The following WWP1 variants were observed in gnomAD, a reference collection of about 807,000 sequenced individuals.
WWP1 encodes NEDD4-like E3 ubiquitin-protein ligase WWP1.
WWP1 carries 49 observed loss-of-function variants against 130.6 expected under a neutral mutation model. The observed-to-expected ratio is 0.38, with a 90% confidence interval of 0.30 to 0.48. The LOEUF (loss-of-function observed/expected upper bound fraction) is 0.48, where lower values mean the gene tolerates loss of function less well. Among genes scored for constraint, WWP1 ranks in the 20% least tolerant of loss-of-function variants. The pLI, the probability that WWP1 is intolerant of heterozygous loss-of-function variation, is 0.99. For missense variants in WWP1, 809 were observed against 1,100.6 expected, an observed-to-expected ratio of 0.74 and a Z score of 3.75; for synonymous variants, 332 against 367.8, an observed-to-expected ratio of 0.90 and a Z score of 1.11.
At chr8:86,429,158 C>A (rs1270571638) in intron 11 of WWP1, among the ~76,000 whole-genome samples, 3 of 152,138 alleles carry the variant, frequency 2.0e-5, no homozygotes, top group Non-Finnish European at 4.4e-5. Context: ...ATAGTCTAGG[C>A]AAGAAGAAAG....
chr8:86,404,970 T>C (rs548965367), intron 8 of WWP1: 2 of 152,354 alleles, frequency 1.3e-5, no homozygotes, highest in East Asian at 3.9e-4. Context: ...CCACCTCTGA[T>C]TATTGCTAGT....
intron 5 of WWP1, among the ~76,000 whole-genome samples, chr8:86,383,876 C>G (rs1360510846): frequency 6.6e-6 from 1 of 152,168 alleles, no homozygotes; most frequent in Non-Finnish European, 1.5e-5. Context: ...TAGTAGCATC[C>G]TGCACACCTA....
Position 86,467,574 on chromosome 8 carries a change from T to C in WWP1, c.*681T>C, listed in dbSNP as rs1563562608. ...TATACTAGATCCAATACTATTTAGT[T>C]TATTATCGAAATTGGAAGGATTCAT... On this transcript the variant is annotated 3_prime_UTR_variant, in exon 25 of 25. Transcript: ENST00000517970. The C allele has an allele frequency of 6.6e-6, 1 of 152,452 alleles. No individual in the cohort carries two copies. Among genetic ancestry groups the C allele is most frequent in the Non-Finnish European group, 1.5e-5 (1 of 67,996 alleles). 9.4% of individuals were successfully genotyped at this position (152,452 alleles called of 1,614,324 possible).
At chr8:86,368,375 A>T (rs537999385) in intron 1 of WWP1, among the ~76,000 whole-genome samples, 1 of 152,122 alleles carries the variant, frequency 6.6e-6, no homozygotes, top group Non-Finnish European at 1.5e-5. Context: ...CACTCAGACA[A>T]TGAAGTGGGA....
At chr8:86,435,364 T>G (rs1810234148) in intron 14 of WWP1, 88 bp from the exon 15 acceptor site, 1 of 1,369,432 alleles carries the variant, frequency 7.3e-7, no homozygotes, top group African/African-American at 1.5e-5. Context: ...GGTATTTTGT[T>G]GGACTTTAGT....
chr8:86,426,697 A>T (rs957942642), intron 10 of WWP1, among the ~76,000 whole-genome samples: 1 of 152,216 alleles, frequency 6.6e-6, no homozygotes, highest in Non-Finnish European at 1.5e-5. Flanking sequence ...GTGGAATGAC[A>T]TGGAGTCCAC....
In WWP1 at chr8:86,422,319, GTATTTATTTATTTATTTATTTATT is replaced by G. The variant is rs55854341; in HGVS notation, c.1062-2884_1062-2861del. The stretch of plus-strand genomic sequence containing the variant: ...GTCTTAAACTCAGAAGTACCAGTTT[GTATTTATTTATTTATTTATTTATT>G]TATTTATTTATTTATTTATATTTTA... On this transcript the variant is annotated intron_variant, in intron 9 of 24. Transcript: ENST00000517970. Among the ~76,000 whole-genome samples the G allele has an allele frequency of 6.8e-5, 10 of 148,022 alleles. No individual in the cohort carries two copies. The East Asian group carries it at 9.9e-4, about 15-fold the overall frequency.
intron 24 of WWP1, among the ~76,000 whole-genome samples, chr8:86,463,824 G>T (rs113237462): frequency 1.3e-5 from 2 of 151,980 alleles, no homozygotes; most frequent in Non-Finnish European, 2.9e-5. Flanking sequence ...ACTTTGGAAG[G>T]CCGAGGTGGG....
intron 24 of WWP1, among the ~76,000 whole-genome samples, chr8:86,464,606 C>G (rs1586527224): frequency 6.6e-6 from 1 of 152,216 alleles, no homozygotes; most frequent in East Asian, 1.9e-4. Context: ...GCCTCAACCT[C>G]CTGGGTTCAA....
At chr8:86,449,696 G>GTT in intron 20 of WWP1, among the ~76,000 whole-genome samples, 1 of 152,156 alleles carries the variant, frequency 6.6e-6, no homozygotes, top group Non-Finnish European at 1.5e-5. Context: ...TCCTACTGAT[G>GTT]TCTTCTATGA....
chr8:86,407,626 A>G (rs1241786010), intron 8 of WWP1, among the ~76,000 whole-genome samples: 1 of 152,228 alleles, frequency 6.6e-6, no homozygotes, highest in African/African-American at 2.4e-5. Flanking sequence ...CTCTCCAGTC[A>G]AATATTATTG....
At chr8:86,353,453 A>G (rs1227746360) in intron 1 of WWP1, among the ~76,000 whole-genome samples, 1 of 152,074 alleles carries the variant, frequency 6.6e-6, no homozygotes, top group African/African-American at 2.4e-5. Context: ...CAATTTGAGT[A>G]GAAAGGATTA....
At chr8:86,420,789 G>A (rs1291900351) in intron 9 of WWP1, among the ~76,000 whole-genome samples, 1 of 152,168 alleles carries the variant, frequency 6.6e-6, no homozygotes, top group African/African-American at 2.4e-5. Flanking sequence ...ATATAGCTAT[G>A]AAGGTATATT....
chr8:86,368,120 A>G (rs547007833), intron 1 of WWP1, among the ~76,000 whole-genome samples: 3 of 152,338 alleles, frequency 2.0e-5, no homozygotes, highest in African/African-American at 7.2e-5. Flanking sequence ...AATAAAAACA[A>G]TAAGTCATCT....
At chr8:86,355,705 T>C (rs10504823) in intron 1 of WWP1, among the ~76,000 whole-genome samples, 1 of 152,046 alleles carries the variant, frequency 6.6e-6, no homozygotes, top group Non-Finnish European at 1.5e-5. Flanking sequence ...TACACACTTA[T>C]CTTTTTACGA....
chr8:86,355,248 T>C (rs938920936), intron 1 of WWP1, among the ~76,000 whole-genome samples: 7 of 152,156 alleles, frequency 4.6e-5, no homozygotes, highest in Admixed American at 2.0e-4. Context: ...CTTTGAGTAA[T>C]GATATCCTGA....
intron 7 of WWP1, among the ~76,000 whole-genome samples, chr8:86,401,271 T>G (rs545238225): frequency 6.6e-6 from 1 of 152,224 alleles, no homozygotes; most frequent in East Asian, 1.9e-4. Context: ...AAAGTTATAA[T>G]AGTTTCAGGC....
intron 20 of WWP1, among the ~76,000 whole-genome samples, chr8:86,451,054 T>G: frequency 6.7e-6 from 1 of 149,996 alleles, no homozygotes; most frequent in African/African-American, 2.4e-5. Flanking sequence ...TCTACAAAAA[T>G]AAATAAATAA....
intron 10 of WWP1, among the ~76,000 whole-genome samples, chr8:86,427,294 C>G (rs1371531122): frequency 2.0e-5 from 3 of 151,880 alleles, no homozygotes; most frequent in Non-Finnish European, 2.9e-5. Context: ...GGGCTTAAAA[C>G]CTAGATGATG....
Sources: allele counts gnomAD v4.1 joint callset (sites outside exome capture counted in the v4.1 genomes callset), GRCh38; gene constraint gnomAD v4.1.1; transcripts MANE v1.5; gene names NCBI Gene and HGNC (gene_info 2026-07-23, HGNC 2026-07-21).